The following SLC2A9 variants were observed in gnomAD, a reference collection of about 807,000 sequenced individuals.
SLC2A9 encodes solute carrier family 2 member 9, also known as solute carrier family 2, facilitated glucose transporter member 9.
SLC2A9 carries 39 observed loss-of-function variants against 50.6 expected under a neutral mutation model. The observed-to-expected ratio is 0.77, with a 90% CI of 0.60 to 1.01. The LOEUF (loss-of-function observed/expected upper bound fraction) is 1.01. SLC2A9 is among the 50% of genes least tolerant of loss of function. The pLI, the probability that SLC2A9 is intolerant of heterozygous loss-of-function variation, is 0.00. For missense variants in SLC2A9, 686 were observed against 677.6 expected, an observed-to-expected ratio of 1.01 and a Z score of -0.14; for synonymous variants, 324 against 276.9, an observed-to-expected ratio of 1.17 and a Z score of -1.69.
chr4:9,982,181 G>A (rs568823404), intron 4 of SLC2A9, among the ~76,000 whole-genome samples: 9 of 152,268 alleles, frequency 5.9e-5, no homozygotes, highest in Admixed American at 2.0e-4. Flanking sequence ...CGCCCGGACC[G>A]GCTTTAAATT....
intron 3 of SLC2A9, among the ~76,000 whole-genome samples, chr4:9,789,988 C>T (rs941015489): frequency 2.0e-5 from 3 of 152,214 alleles, no homozygotes; most frequent in African/African-American, 4.8e-5. Context: ...TTGTATACAT[C>T]TTCTCATGCA....
At chr4:10,027,660 C>G (rs1763799833) in intron 1 of SLC2A9, among the ~76,000 whole-genome samples, 1 of 152,122 alleles carries the variant, frequency 6.6e-6, no homozygotes, top group African/African-American at 2.4e-5. Context: ...CCTCCTGAGT[C>G]TGGAGCATTG....
In SLC2A9 at chr4:9,985,697, CACG is replaced by C; in HGVS notation, c.504_506del (p.Ile168_Val169delinsMet). 1 of 1,614,012 alleles carries C rather than the reference CACG, an allele frequency of 6.2e-7. No individual in the cohort carries two copies. The highest frequency in any genetic ancestry group is 1.3e-5 in the African/African-American group (1 of 75,064). ...CATCTATGCCCATGATGAAGCGTCCCACGATGAGCATTTCAAAGGCTCCTGCCT... is the reference window on the plus strand; with the variant it reads ...CATCTATGCCCATGATGAAGCGTCCCATGAGCATTTCAAAGGCTCCTGCCT... On this transcript the variant is annotated inframe_deletion, in exon 4 of 12. Transcript: ENST00000264784.
intron 10 of SLC2A9, among the ~76,000 whole-genome samples, chr4:9,856,270 A>C (rs1177384588): frequency 6.6e-6 from 1 of 152,222 alleles, no homozygotes; most frequent in Non-Finnish European, 1.5e-5. Flanking sequence ...ATCAACAAGC[A>C]AAAAGCAAAT....
At chr4:9,951,370 G>A (rs529230061) in intron 5 of SLC2A9, among the ~76,000 whole-genome samples, 5 of 152,280 alleles carry the variant, frequency 3.3e-5, no homozygotes, top group South Asian at 2.1e-4. Flanking sequence ...AGAGAAGCAC[G>A]CTGAAGGGTA....
rs537277876 is a variant in SLC2A9 at position 9,957,657 on chromosome 4, CA to C, written c.682-15613del. Among the ~76,000 whole-genome samples the C allele has an allele frequency of 3.7e-4, 56 of 152,086 alleles. No homozygotes were observed. The East Asian group carries it at 8.7e-3, about 24-fold the overall frequency. On this transcript the variant is annotated intron_variant, in intron 5 of 11. Coordinates refer to ENST00000264784, the MANE Select transcript of SLC2A9 (RefSeq NM_020041.3). Reference sequence around the variant, plus strand: ...GGACTCCATGTAAAATGAACGGGGACAGGGGGAAAGCCCTTAGAAATTAAAA... The same window carrying C: ...GGACTCCATGTAAAATGAACGGGGACGGGGGAAAGCCCTTAGAAATTAAAA...
At position 9,826,475 on chromosome 4, in the gene SLC2A9, G is replaced by A. The variant is rs144428359; in HGVS notation, c.1545C>T (p.Ser515=). 6,412 of 1,600,258 alleles carry A rather than the reference G, an allele frequency of 4.0e-3. 41 individuals carry two copies. The highest frequency in any genetic ancestry group is 0.03 in the Middle Eastern group (181 of 5,972). ...RTYAEISQAF[S]KRNKAYPPEE... ...CTGGTGGGTATGCTTTGTTCCTTTT[G>A]GAAAATGCCTGGCTGATTTCTGCAT... Residue 515 remains serine, a synonymous_variant, in exon 12 of 12, where the codon TCC becomes TCT. Coordinates refer to ENST00000264784, the MANE Select transcript of SLC2A9 (RefSeq NM_020041.3).
chr4:9,778,012 G>T (rs9685502), downstream of SLC2A9, among the ~76,000 whole-genome samples: 142,487 of 151,726 alleles, frequency 0.94, 67,070 homozygotes, highest in Middle Eastern at 0.96. Context: ...AAACTGAAAT[G>T]TTTTACTTGC....
chr4:9,964,412 A>T (rs6449172), intron 5 of SLC2A9, among the ~76,000 whole-genome samples: 73,465 of 151,980 alleles, frequency 0.48, 19,107 homozygotes, highest in African/African-American at 0.67. Context: ...CAACCTCTAA[A>T]CTTCTTTTCT....
Position 9,980,754 on chromosome 4 carries a change from T to C in SLC2A9, c.536-17A>G. 5.0e-6 allele frequency: 8 copies of C among 1,614,162 alleles called. No individual in the cohort carries two copies. Among genetic ancestry groups the C allele is most frequent in the South Asian group, 1.1e-5 (1 of 91,080 alleles). On this transcript the variant is annotated splice_polypyrimidine_tract_variant and intron_variant, in intron 4 of 11. Coordinates refer to ENST00000264784, the MANE Select transcript of SLC2A9 (RefSeq NM_020041.3). ...GGGCGACGCCTGTAGAGAGAAAGCATAGCAGCAGTTAGAGAGGTGTCTTCC... is the reference window on the plus strand; with the variant it reads ...GGGCGACGCCTGTAGAGAGAAAGCACAGCAGCAGTTAGAGAGGTGTCTTCC...
At chr4:9,979,794 T>C (rs549945966) in intron 5 of SLC2A9, among the ~76,000 whole-genome samples, 34 of 152,188 alleles carry the variant, frequency 2.2e-4, no homozygotes, top group African/African-American at 7.2e-4. Flanking sequence ...AGACGCTTCA[T>C]CTCTCACCCT....
chr4:9,849,896 C>T (rs993858986), intron 10 of SLC2A9, among the ~76,000 whole-genome samples: 2 of 152,004 alleles, frequency 1.3e-5, no homozygotes, highest in South Asian at 2.1e-4. Flanking sequence ...TTTTAACATT[C>T]TTCCTTTTTG....
At chr4:9,871,510 G>A (rs570617235) in intron 10 of SLC2A9, among the ~76,000 whole-genome samples, 4 of 152,174 alleles carry the variant, frequency 2.6e-5, no homozygotes, top group Non-Finnish European at 4.4e-5. Flanking sequence ...TAGATGCATC[G>A]CTCGCTCTAA....
At chr4:9,836,322 A>G (rs919702333) in intron 10 of SLC2A9, among the ~76,000 whole-genome samples, 174 of 152,154 alleles carry the variant, frequency 1.1e-3, no homozygotes, top group African/African-American at 4.0e-3. Context: ...AAAATAAAAA[A>G]GGGGAGTGAG....
chr4:9,828,507 C>T (rs1215597270), intron 11 of SLC2A9, among the ~76,000 whole-genome samples: 4 of 152,196 alleles, frequency 2.6e-5, no homozygotes, highest in African/African-American at 4.8e-5. Context: ...CCAAGGCCAC[C>T]GACCATGTGT....
chr4:9,826,679 A>C, intron 11 of SLC2A9, 79 bp from the exon 12 acceptor site: 3 of 1,331,752 alleles, frequency 2.3e-6, no homozygotes, highest in Non-Finnish European at 3.2e-6. Flanking sequence ...ACAGATTTTT[A>C]AGATAGCTCC....
At chr4:9,914,395 G>A (rs1398185473) in intron 7 of SLC2A9, among the ~76,000 whole-genome samples, 1 of 152,210 alleles carries the variant, frequency 6.6e-6, no homozygotes, top group Non-Finnish European at 1.5e-5. Context: ...GCAAATGTCA[G>A]CTCCCATTCT....
chr4:9,946,912 C>T (rs1362590248), intron 5 of SLC2A9, among the ~76,000 whole-genome samples: 2 of 152,142 alleles, frequency 1.3e-5, no homozygotes, highest in African/African-American at 4.8e-5. Flanking sequence ...ATCAGAATTG[C>T]CAGTATAAAA....
chr4:9,898,894 C>T (rs991607434), intron 8 of SLC2A9, among the ~76,000 whole-genome samples: 18 of 152,142 alleles, frequency 1.2e-4, no homozygotes, highest in African/African-American at 4.1e-4. Context: ...TTACTAGAGC[C>T]GTACTCCGTT....
Sources: allele counts gnomAD v4.1 joint callset (sites outside exome capture counted in the v4.1 genomes callset), GRCh38; gene constraint gnomAD v4.1.1; transcripts MANE v1.5; gene names NCBI Gene and HGNC (gene_info 2026-07-23, HGNC 2026-07-21).